CELF4: variants seen among roughly 807,000 people sequenced by gnomAD.
The protein encoded by CELF4 is CUGBP Elav-like family member 4.
CELF4 carries 18 observed loss-of-function variants against 59.9 expected under a neutral mutation model. That is an observed-to-expected ratio of 0.30 (90% CI 0.21 to 0.45). The LOEUF is 0.45. Among genes scored for constraint, CELF4 ranks in the 20% least tolerant of loss-of-function variants. CELF4 has a pLI of 1.00. For synonymous variants in CELF4, 261 were observed against 267.1 expected (o/e 0.98, Z 0.22); for missense variants, 456 against 689.0 (o/e 0.66, Z 3.79).
intron 2 of CELF4, among the ~76,000 whole-genome samples, chr18:37,477,423 G>A (rs1165327422): frequency 1.3e-5 from 2 of 152,254 alleles, no homozygotes; most frequent in African/African-American, 4.8e-5. Context: ...CATCTGGAGG[G>A]TTTGTGGCCA....
intron 3 of CELF4, among the ~76,000 whole-genome samples, chr18:37,302,647 A>T (rs960893103): frequency 2.6e-5 from 4 of 152,168 alleles, no homozygotes; most frequent in Admixed American, 2.0e-4. Context: ...ACGCCTCCCC[A>T]GGCTTCCAGG....
intron 2 of CELF4, among the ~76,000 whole-genome samples, chr18:37,387,595 G>A (rs767566121): frequency 5.9e-5 from 9 of 152,106 alleles, no homozygotes; most frequent in Non-Finnish European, 8.8e-5. Flanking sequence ...CCAGAGTCTC[G>A]ATGTAAAGTT....
intron 1 of CELF4, among the ~76,000 whole-genome samples, chr18:37,520,131 C>T (rs1360394850): frequency 6.6e-6 from 1 of 152,154 alleles, no homozygotes; most frequent in African/African-American, 2.4e-5. Context: ...TGCATTCTCT[C>T]ACCCCAAGCT....
intron 1 of CELF4, among the ~76,000 whole-genome samples, chr18:37,498,179 G>A (rs1360383819): frequency 4.6e-5 from 7 of 152,174 alleles, no homozygotes; most frequent in Admixed American, 1.3e-4. Flanking sequence ...GGGCCCTGGA[G>A]TGGTTTAGAA....
At chr18:37,499,773 CT>C (rs1200120632) in intron 1 of CELF4, among the ~76,000 whole-genome samples, 3 of 152,140 alleles carry the variant, frequency 2.0e-5, no homozygotes, top group Non-Finnish European at 4.4e-5. Context: ...CTTCAGTTTC[CT>C]TTTTTGTAAA....
Position 37,253,680 on chromosome 18 carries a change from G to T in CELF4, c.*44+87C>A. ...CAGCGGGTCCAAGGCACCAGTGAGG[G>T]TCCGGCCCACGGAGGCCGGAGGAGG... On this transcript the variant is annotated intron_variant, in intron 12 of 12. Coordinates refer to ENST00000420428, the MANE Select transcript of CELF4 (RefSeq NM_020180.4). This position sits in a 1 kb window ranked among gnomAD's most constrained non-coding sequence, Gnocchi z 4.5. The T allele has an allele frequency of 9.7e-7, 1 of 1,026,724 alleles. No homozygotes were observed. The highest frequency in any genetic ancestry group is 1.4e-6 in the Non-Finnish European group (1 of 739,774). 63.6% of individuals were successfully genotyped at this position (1,026,724 alleles called of 1,614,324 possible). A position where few individuals can be genotyped will look rare whatever the true frequency, so the allele number is the denominator to read the frequency against.
Position 37,253,136 on chromosome 18 carries a change from T to G in CELF4, c.*44+631A>C, listed in dbSNP as rs1436453035. On this transcript the variant is annotated intron_variant, in intron 12 of 12. Transcript: ENST00000420428. This position sits in a 1 kb window ranked among gnomAD's most constrained non-coding sequence, Gnocchi z 4.5. ...CAGCAGAAAAGGTAACAACGACCAC[T>G]CATCATGACCCGTGTGGGGCAGGCA... Among the ~76,000 whole-genome samples the G allele has an allele frequency of 6.6e-6, 1 of 152,056 alleles. No homozygotes were observed. The highest frequency in any genetic ancestry group is 1.9e-4 in the East Asian group (1 of 5,160).
intron 2 of CELF4, among the ~76,000 whole-genome samples, chr18:37,336,400 T>G (rs973944523): frequency 6.6e-6 from 1 of 152,128 alleles, no homozygotes; most frequent in Non-Finnish European, 1.5e-5. Context: ...CCCAGGCTGG[T>G]CTTGAACTCC....
intron 2 of CELF4, among the ~76,000 whole-genome samples, chr18:37,436,636 T>A (rs533481593): frequency 6.6e-6 from 1 of 152,306 alleles, no homozygotes; most frequent in South Asian, 2.1e-4. Context: ...GAGGCTTTGG[T>A]TCTTCACTTC....
chr18:37,525,103 C>G (rs1011580416), intron 1 of CELF4, among the ~76,000 whole-genome samples: 1 of 152,164 alleles, frequency 6.6e-6, no homozygotes, highest in Non-Finnish European at 1.5e-5. Flanking sequence ...TGTGCCTCCC[C>G]CTTTCTTCCC....
In CELF4 at chr18:37,349,068, A is replaced by G. The variant is rs570996256; in HGVS notation, c.370-27187T>C. 2.9e-4 allele frequency among the ~76,000 whole-genome samples: 44 copies of G among 152,338 alleles called. No homozygotes were observed. In the South Asian group the frequency reaches 8.5e-3, roughly 29 times the overall value. On this transcript the variant is annotated intron_variant, in intron 2 of 12. Coordinates refer to ENST00000420428, the MANE Select transcript of CELF4 (RefSeq NM_020180.4). ...CGCAGGGTGCAACGGCAGCACATCC[A>G]TGGGGCCTGGAGAGAGCCCTGGGAA...
chr18:37,412,863 A>G (rs1281772279), intron 2 of CELF4, among the ~76,000 whole-genome samples: 2 of 151,272 alleles, frequency 1.3e-5, no homozygotes, highest in East Asian at 3.9e-4. Context: ...TCCCCGCGCC[A>G]ATGTGTGTGA....
intron 2 of CELF4, among the ~76,000 whole-genome samples, chr18:37,436,156 C>T (rs1020291652): frequency 6.6e-6 from 1 of 152,148 alleles, no homozygotes; most frequent in Non-Finnish European, 1.5e-5. Flanking sequence ...AGGAACCAGC[C>T]AGGGAGAAAA....
chr18:37,543,973 G>T (rs150261132), intron 1 of CELF4, among the ~76,000 whole-genome samples: 84 of 152,172 alleles, frequency 5.5e-4, no homozygotes, highest in African/African-American at 2.0e-3. Context: ...GCTCGGTGCG[G>T]TCTGTCCAGA....
At chr18:37,381,619 A>G (rs2068406729) in intron 2 of CELF4, among the ~76,000 whole-genome samples, 1 of 151,952 alleles carries the variant, frequency 6.6e-6, no homozygotes, top group Non-Finnish European at 1.5e-5. Context: ...GGTTTTCTCT[A>G]TTTGTCCTCA....
At chr18:37,320,335 C>CAAAAAA in intron 3 of CELF4, among the ~76,000 whole-genome samples, 1 of 65,244 alleles carries the variant, frequency 1.5e-5, no homozygotes, top group Non-Finnish European at 2.9e-5. Flanking sequence ...GACTCCATCT[C>CAAAAAA]AAAAAAAAAA....
chr18:37,351,942 T>G (rs2098451473), intron 2 of CELF4, among the ~76,000 whole-genome samples: 1 of 152,058 alleles, frequency 6.6e-6, no homozygotes, highest in South Asian at 2.1e-4. Flanking sequence ...TTCAAGAATA[T>G]TTTTCACTAC....
At chr18:37,499,507 C>T (rs2099929040) in intron 1 of CELF4, among the ~76,000 whole-genome samples, 1 of 152,106 alleles carries the variant, frequency 6.6e-6, no homozygotes, top group African/African-American at 2.4e-5. Context: ...ACGGGGAGCC[C>T]CAAGAGGGTG....
intron 7 of CELF4, among the ~76,000 whole-genome samples, chr18:37,272,522 A>G (rs2091743199): frequency 6.8e-6 from 1 of 147,722 alleles, no homozygotes; most frequent in Non-Finnish European, 1.5e-5. Context: ...AGCTTGTTGC[A>G]TAGTTGTCTT....
Sources: gnomAD v4.1 joint callset for allele counts (sites outside exome capture counted in the v4.1 genomes callset) on GRCh38, gnomAD v4.1.1 for gene constraint, Gnocchi (gnomAD v3.1) non-coding constraint, MANE v1.5 for transcripts, NCBI Gene and HGNC (gene_info 2026-07-23, HGNC 2026-07-21) for gene names.